VSIG4: variants seen among roughly 807,000 people sequenced by gnomAD.
The protein encoded by VSIG4 is V-set and immunoglobulin domain containing 4, also known as V-set and immunoglobulin domain-containing protein 4.
A neutral mutation model predicts 23.4 loss-of-function variants in VSIG4; 34 were observed. The ratio of observed to expected loss-of-function variants is 1.45; its 90% CI spans 1.10 to 1.93. The LOEUF (loss-of-function observed/expected upper bound fraction) is 1.93, where lower values mean the gene tolerates loss of function less well. Among genes scored for constraint, VSIG4 ranks in the 30% most tolerant of loss-of-function variants. The pLI is 0.00. For synonymous variants in VSIG4, 169 were observed against 120.3 expected, an observed-to-expected ratio of 1.41 and a Z score of -2.65; for missense variants, 433 against 310.8, an observed-to-expected ratio of 1.39 and a Z score of -2.96.
chrX:66,023,403 G>C (rs996089693), intron 6 of VSIG4, among the ~76,000 whole-genome samples: 2 of 112,016 alleles, frequency 1.8e-5, no homozygotes, highest in Admixed American at 1.9e-4. Flanking sequence ...AGGCTCAAAG[G>C]CTTAGGTTGG....
In VSIG4 at chrX:66,032,719, C is replaced by T; in HGVS notation, c.443G>A (p.Gly148Asp). 1 of 1,211,183 alleles carries T rather than the reference C, an allele frequency of 8.3e-7. No homozygotes were observed. The highest frequency in any genetic ancestry group is 1.1e-6 in the Non-Finnish European group (1 of 895,255). The change falls in exon 3 of 8, where the codon GGC becomes GAC. Residue 148 changes from glycine to aspartate, a missense_variant. By Grantham distance (94) the Gly-to-Asp change is moderately conservative. Transcript: ENST00000374737. ...LSVSKPTVTT[G>D]SGYGFTVPQG... ...GGGCACCGTGAAGCCATAACCGCTGCCAGTTGTCACTGTGGGCTTGGAGAC... is the reference window on the plus strand; with the variant it reads ...GGGCACCGTGAAGCCATAACCGCTGTCAGTTGTCACTGTGGGCTTGGAGAC...
intron 3 of VSIG4, among the ~76,000 whole-genome samples, chrX:66,029,803 A>G (rs2085443387): frequency 9.0e-6 from 1 of 111,149 alleles, no homozygotes; most frequent in African/African-American, 3.3e-5. Context: ...GGTGAGTAAA[A>G]GGTACGATCA....
chrX:66,036,633 T>C (rs757081283), intron 1 of VSIG4, among the ~76,000 whole-genome samples: 4 of 74,014 alleles, frequency 5.4e-5, no homozygotes, highest in Admixed American at 2.1e-4. Context: ...ATTTATAATA[T>C]AGATAATATT....
chrX:66,028,268 G>C (rs1569240753), intron 3 of VSIG4, among the ~76,000 whole-genome samples, 156 bp from the exon 4 acceptor site: 1 of 112,048 alleles, frequency 8.9e-6, no homozygotes, highest in African/African-American at 3.2e-5. Context: ...TGTGTTGCTT[G>C]TTCATCTTTC....
Position 66,032,725 on chromosome X carries a change from G to T in VSIG4, c.437C>A (p.Thr146Lys), listed in dbSNP as rs755982206. Residue 146 changes from threonine (T) to lysine (K), a missense_variant, in exon 3 of 8, where the codon ACA becomes AAA. Transcript: ENST00000374737. ...CGTGAAGCCATAACCGCTGCCAGTT[G>T]TCACTGTGGGCTTGGAGACAGAGAC... ...QKLSVSKPTV[T>K]TGSGYGFTVP... is the part of the protein sequence containing the mutation. 3.3e-6 allele frequency: 4 copies of T among 1,211,202 alleles called. No individual in the cohort carries two copies. The highest frequency in any genetic ancestry group is 4.5e-6 in the Non-Finnish European group (4 of 895,238).
At chrX:66,035,131 C>T (rs995638748) in intron 1 of VSIG4, among the ~76,000 whole-genome samples, 3 of 110,904 alleles carry the variant, frequency 2.7e-5, no homozygotes, top group African/African-American at 9.8e-5. Flanking sequence ...CCTGTGCCCT[C>T]ACCAGGGACC....
rs1569240556 is a variant in VSIG4 at position 66,028,050 on chromosome X, C to A, written c.757G>T (p.Ala253Ser). Residue 253 changes from alanine (A) to serine (S), a missense_variant and splice_region_variant, in exon 4 of 8, where the codon GCA (alanine) becomes TCA (serine). Coordinates refer to ENST00000374737, the MANE Select transcript of VSIG4 (RefSeq NM_007268.3). ...TTCCTCAGACTCTAGCAAAACTCAC[C>A]TTTCAAGGGGTATGTCATGGTTGTA... Reference protein sequence around the residue: ...APTTMTYPLKATSTVKQSWDW... With the variant: ...APTTMTYPLKSTSTVKQSWDW... 8.3e-7 allele frequency: 1 copy of A among 1,209,995 alleles called. No individual in the cohort carries two copies.
Position 66,027,432 on chromosome X carries a change from C to A in VSIG4, c.835+17G>T, listed in dbSNP as rs537758848. 3 of 1,187,053 alleles carry A rather than the reference C, an allele frequency of 2.5e-6. No individual in the cohort carries two copies. The South Asian group carries it at 5.5e-5, about 22-fold the overall frequency. ...AGAGTCAAGAAGAAAAGATAGAAAT[C>A]CTGACAATATTCCTACCTGGCCCAG... is the stretch of plus-strand genomic sequence containing the variant. On this transcript the variant is annotated intron_variant, in intron 5 of 7. Transcript: ENST00000374737.
intron 1 of VSIG4, among the ~76,000 whole-genome samples, chrX:66,034,474 G>C (rs1243055749): frequency 8.9e-6 from 1 of 111,812 alleles, no homozygotes. Context: ...GAAGAAGTCT[G>C]GATACACATT....
Position 66,040,039 on chromosome X carries a change from C to G in VSIG4, c.-41G>C. ...TTCTGTCCTTTCTTCCAGCCTCCTGCTACCAAAGAGGCTCAAACTTCTGGT... is the reference window on the plus strand; with the variant it reads ...TTCTGTCCTTTCTTCCAGCCTCCTGGTACCAAAGAGGCTCAAACTTCTGGT... On this transcript the variant is annotated 5_prime_UTR_variant, in exon 1 of 8. Coordinates refer to ENST00000374737, the MANE Select transcript of VSIG4 (RefSeq NM_007268.3). 8.3e-7 allele frequency: 1 copy of G among 1,199,915 alleles called. No homozygotes were observed. The highest frequency in any genetic ancestry group is 1.1e-6 in the Non-Finnish European group (1 of 885,247).
chrX:66,037,968 C>T (rs1016760128), intron 1 of VSIG4, among the ~76,000 whole-genome samples: 33 of 109,016 alleles, frequency 3.0e-4, no homozygotes, highest in African/African-American at 1.1e-3. Context: ...CCCTTCCTCC[C>T]ATCATCACAA....
rs1490577911 is a variant in VSIG4 at position 66,022,123 on chromosome X, A to G, written c.*140T>C. On this transcript the variant is annotated 3_prime_UTR_variant, in exon 8 of 8. Coordinates refer to ENST00000374737, the MANE Select transcript of VSIG4 (RefSeq NM_007268.3). The stretch of plus-strand genomic sequence containing the variant: ...ATCTGGCAAATTCCAGGGCAAAGCC[A>G]GTGACTCCCAGCGGCTCCAGTGTTG... The G allele has an allele frequency of 5.1e-6, 6 of 1,182,728 alleles. No individual in the cohort carries two copies. The African/African-American group carries it at 8.8e-5, about 17-fold the overall frequency.
At chrX:66,022,718 C>G in intron 7 of VSIG4, 123 bp downstream of exon 7, 1 of 1,173,938 alleles carries the variant, frequency 8.5e-7, no homozygotes, top group Non-Finnish European at 1.1e-6. Flanking sequence ...ATGTCCTGAC[C>G]CTGAAGGCCT....
At chrX:66,038,129 A>G (rs1040866193) in intron 1 of VSIG4, among the ~76,000 whole-genome samples, 1 of 111,676 alleles carries the variant, frequency 9.0e-6, no homozygotes, top group African/African-American at 3.3e-5. Context: ...TAAAATGTGA[A>G]TATTAGAAAT....
At chrX:66,030,021 C>T (rs1433304867) in intron 3 of VSIG4, among the ~76,000 whole-genome samples, 1 of 111,650 alleles carries the variant, frequency 9.0e-6, no homozygotes, top group Non-Finnish European at 1.9e-5. Flanking sequence ...TCTTTGAGAA[C>T]ATTTACAATT....
chrX:66,039,427 A>T (rs1419915770), intron 1 of VSIG4, among the ~76,000 whole-genome samples: 1 of 111,973 alleles, frequency 8.9e-6, no homozygotes, highest in African/African-American at 3.2e-5. Context: ...TGGTCTGGGG[A>T]GGTAGTGAAC....
intron 1 of VSIG4, among the ~76,000 whole-genome samples, chrX:66,037,805 T>G (rs190039160): frequency 9.5e-6 from 1 of 105,739 alleles, no homozygotes; most frequent in Non-Finnish European, 1.9e-5. Flanking sequence ...TGCTGATAAG[T>G]ATATATACAG....
At chrX:66,033,058 A>T (rs986755319) in intron 2 of VSIG4, among the ~76,000 whole-genome samples, 2 of 111,648 alleles carry the variant, frequency 1.8e-5, no homozygotes, top group Non-Finnish European at 3.8e-5. Context: ...GTTGTGGATT[A>T]TCAGGGCCAG....
Position 66,028,110 on chromosome X carries a change from A to T in VSIG4, c.697T>A (p.Ser233Thr), listed in dbSNP as rs771796980. ...SDIVKFVVKDSSKLLKTKTEA... is the reference protein window; with the variant it reads ...SDIVKFVVKDTSKLLKTKTEA... ...GTCTTGGTCTTGAGTAGCTTTGAGG[A>T]GTCTGCAAGGAAAAGGGAACCGATT... Residue 233 changes from serine (S) to threonine (T), a missense_variant and splice_region_variant, in exon 4 of 8, where the codon TCC (serine) becomes ACC (threonine). Transcript: ENST00000374737. 2.5e-6 allele frequency: 3 copies of T among 1,207,498 alleles called. No individual in the cohort carries two copies. The highest frequency in any genetic ancestry group is 3.4e-6 in the Non-Finnish European group (3 of 893,501).
Sources: allele counts gnomAD v4.1 joint callset (sites outside exome capture counted in the v4.1 genomes callset), GRCh38; gene constraint gnomAD v4.1.1; transcripts MANE v1.5; gene names NCBI Gene and HGNC (gene_info 2026-07-23, HGNC 2026-07-21).